The following DCK variants were observed in gnomAD, a reference collection of about 807,000 sequenced individuals.
The protein encoded by DCK is deoxycytidine kinase.
Under a neutral mutation model 38.3 loss-of-function variants are expected in DCK, and 23 were observed. The observed-to-expected ratio is 0.60, with a 90% CI of 0.43 to 0.85. DCK has a LOEUF of 0.85. Among genes scored for constraint, DCK ranks in the 40% least tolerant of loss-of-function variants. The pLI is 0.00. For missense variants in DCK, 259 were observed against 304.4 expected (o/e 0.85, Z 1.11); for synonymous variants, 108 against 100.6 (o/e 1.07, Z -0.44).
intron 2 of DCK, among the ~76,000 whole-genome samples, chr4:71,018,616 T>C (rs1740333729): frequency 6.6e-6 from 1 of 152,024 alleles, no homozygotes; most frequent in African/African-American, 2.4e-5. Context: ...GGGGAGAACT[T>C]GATAAAATTA....
In DCK at chr4:71,030,163, TA is replaced by T. The variant is rs1740651410; in HGVS notation, c.*789del. The T allele has an allele frequency of 2.6e-5, 4 of 152,722 alleles. No individual in the cohort carries two copies. In the East Asian group the frequency reaches 7.7e-4, roughly 29 times the overall value. The allele number at this position is 152,722 out of a possible 1,614,324, so 9.5% of individuals were successfully genotyped here. A position where few individuals can be genotyped will look rare whatever the true frequency, so the allele number is the denominator to read the frequency against. On this transcript the variant is annotated 3_prime_UTR_variant, in exon 7 of 7. Transcript: ENST00000286648. Reference sequence around the variant, plus strand: ...GCATTATTTTTTGTTGAATAGGAAATAAAATTAATGAAGACAGAGGCTAGAA... The same window carrying T: ...GCATTATTTTTTGTTGAATAGGAAATAAATTAATGAAGACAGAGGCTAGAA...
intron 2 of DCK, among the ~76,000 whole-genome samples, chr4:71,004,945 G>T (rs1340456741): frequency 6.8e-6 from 1 of 147,778 alleles, no homozygotes; most frequent in African/African-American, 2.7e-5. Context: ...CCTGGCTTCA[G>T]CCCCCTTGGC....
At position 70,994,925 on chromosome 4, in the gene DCK, T is replaced by A. The variant is rs68107614; in HGVS notation, c.91+999T>A. Among the ~76,000 whole-genome samples the A allele has an allele frequency of 8.5e-3, 1,295 of 152,276 alleles. 27 individuals carry two copies. Among genetic ancestry groups the A allele is most frequent in the African/African-American group, 0.03 (1,249 of 41,540 alleles). On this transcript the variant is annotated intron_variant, in intron 1 of 6. Coordinates refer to ENST00000286648, the MANE Select transcript of DCK (RefSeq NM_000788.3). ...TCTCCAACCACAGGAAACCTACCCCTGAAACTTCCTGTTTTGATAGATTTA... is the reference window on the plus strand; with the variant it reads ...TCTCCAACCACAGGAAACCTACCCCAGAAACTTCCTGTTTTGATAGATTTA...
chr4:71,021,324 C>T (rs1740420519), intron 2 of DCK, among the ~76,000 whole-genome samples: 1 of 152,084 alleles, frequency 6.6e-6, no homozygotes, highest in Non-Finnish European at 1.5e-5. Flanking sequence ...ATCCACCCGC[C>T]TCGGCCTCCC....
chr4:71,006,620 C>T (rs1182475278), intron 2 of DCK, among the ~76,000 whole-genome samples: 1 of 152,044 alleles, frequency 6.6e-6, no homozygotes, highest in Non-Finnish European at 1.5e-5. Context: ...CCAGCCTGGG[C>T]AACATAGGGT....
At chr4:71,013,280 T>G (rs897401411) in intron 2 of DCK, among the ~76,000 whole-genome samples, 22 of 152,238 alleles carry the variant, frequency 1.4e-4, no homozygotes, top group African/African-American at 5.1e-4. Flanking sequence ...AATCTGCGTC[T>G]GATTGGTGTA....
At chr4:71,005,067 A>G (rs114195649) in intron 2 of DCK, among the ~76,000 whole-genome samples, 2,459 of 152,216 alleles carry the variant, frequency 0.016, 32 homozygotes, top group East Asian at 0.046. Flanking sequence ...TGTCTGCCCA[A>G]ATGGCTGTCC....
intron 2 of DCK, among the ~76,000 whole-genome samples, chr4:71,014,110 G>A (rs1471016130): frequency 6.6e-6 from 1 of 152,206 alleles, no homozygotes; most frequent in Non-Finnish European, 1.5e-5. Flanking sequence ...AAAGGCAGGT[G>A]TTGTAATCCT....
rs919185503 is a variant in DCK at position 71,001,602 on chromosome 4, A to C, written c.207+3420A>C. Among the ~76,000 whole-genome samples the C allele has an allele frequency of 3.3e-5, 5 of 152,136 alleles. No individual in the cohort carries two copies. The East Asian group carries it at 9.6e-4, about 29-fold the overall frequency. ...CTACCTGTGGTAGAATTCAGCTGTG[A>C]ATCCATCTGGTCCTGGGCTTTTTTT... On this transcript the variant is annotated intron_variant, in intron 2 of 6. Transcript: ENST00000286648.
At chr4:71,014,874 A>G (rs1740214348) in intron 2 of DCK, among the ~76,000 whole-genome samples, 2 of 152,248 alleles carry the variant, frequency 1.3e-5, no homozygotes, top group Non-Finnish European at 2.9e-5. Context: ...GAGAAGCAAG[A>G]GTAAACACAT....
At chr4:71,000,501 C>T (rs892460676) in intron 2 of DCK, among the ~76,000 whole-genome samples, 22 of 152,090 alleles carry the variant, frequency 1.4e-4, no homozygotes, top group Admixed American at 1.1e-3. Flanking sequence ...CTTGGCTATA[C>T]GGGCTCTTTT....
At chr4:71,003,725 C>G (rs1739869255) in intron 2 of DCK, among the ~76,000 whole-genome samples, 1 of 152,102 alleles carries the variant, frequency 6.6e-6, no homozygotes. Flanking sequence ...CTCTGATATC[C>G]TTTCTTCCAC....
intron 1 of DCK, among the ~76,000 whole-genome samples, chr4:70,997,398 C>T (rs937559915): frequency 3.3e-5 from 5 of 152,162 alleles, no homozygotes; most frequent in African/African-American, 7.2e-5. Context: ...TCCAGTTTAT[C>T]GTTAAAAGTT....
At chr4:71,029,101 C>A (rs1216482921) in intron 6 of DCK, among the ~76,000 whole-genome samples, 1 of 152,028 alleles carries the variant, frequency 6.6e-6, no homozygotes, top group Admixed American at 6.6e-5. Flanking sequence ...ACCATGTTGG[C>A]CAGGCTGGTC....
chr4:71,026,714 A>G lies in DCK; in HGVS notation c.715A>G (p.Asn239Asp). The G allele has an allele frequency of 6.3e-7, 1 of 1,583,496 alleles. No individual in the cohort carries two copies. Among genetic ancestry groups the G allele is most frequent in the Non-Finnish European group, 8.7e-7 (1 of 1,155,486 alleles). ...GGTGCCTATCTTAACACTGGATGTT[A>G]ATGAAGACTTTAAAGACAAATATGA... Reference protein sequence around the residue: ...QEVPILTLDVNEDFKDKYESL... With the variant: ...QEVPILTLDVDEDFKDKYESL... The change falls in exon 6 of 7, where the codon AAT (asparagine) becomes GAT (aspartate). Residue 239 changes from asparagine to aspartate, a missense_variant. Asn to Asp is a conservative substitution (Grantham distance 23). Coordinates refer to ENST00000286648, the MANE Select transcript of DCK (RefSeq NM_000788.3).
intron 2 of DCK, among the ~76,000 whole-genome samples, chr4:71,017,365 G>T (rs1740298425): frequency 6.6e-6 from 1 of 152,212 alleles, no homozygotes; most frequent in Admixed American, 6.5e-5. Flanking sequence ...GTGTAAGACA[G>T]TGTGGTGATT....
chr4:71,018,803 C>T (rs1740338767), intron 2 of DCK, among the ~76,000 whole-genome samples: 1 of 151,190 alleles, frequency 6.6e-6, no homozygotes, highest in African/African-American at 2.4e-5. Context: ...TCCGGAGTAG[C>T]TGGGATTACA....
intron 4 of DCK, among the ~76,000 whole-genome samples, chr4:71,025,056 A>G (rs1740513403): frequency 6.6e-6 from 1 of 152,034 alleles, no homozygotes; most frequent in South Asian, 2.1e-4. Flanking sequence ...CCATGGTCTT[A>G]TGCATGTCAT....
intron 2 of DCK, among the ~76,000 whole-genome samples, chr4:71,012,885 T>A (rs955905791): frequency 5.3e-5 from 8 of 152,318 alleles, no homozygotes; most frequent in African/African-American, 1.9e-4. Flanking sequence ...ACACAGCTCC[T>A]CGCCAGCAAC....
Sources: allele counts gnomAD v4.1 joint callset (sites outside exome capture counted in the v4.1 genomes callset), GRCh38; gene constraint gnomAD v4.1.1; transcripts MANE v1.5; gene names NCBI Gene and HGNC (gene_info 2026-07-23, HGNC 2026-07-21).